The following WDPCP variants were observed in gnomAD, a reference collection of about 807,000 sequenced individuals.
The protein encoded by WDPCP is WD repeat containing planar cell polarity effector.
WDPCP carries 71 observed loss-of-function variants against 93.1 expected under a neutral mutation model. The ratio of observed to expected loss-of-function variants is 0.76; its 90% CI spans 0.63 to 0.93. The LOEUF (loss-of-function observed/expected upper bound fraction) is 0.93. Among genes scored for constraint, WDPCP ranks in the 40% least tolerant of loss-of-function variants. The pLI is 0.00. For missense variants in WDPCP, 844 were observed against 887.4 expected (o/e 0.95, Z 0.62); for synonymous variants, 315 against 315.0 (o/e 1.00, Z 0.00).
chr2:63,357,578 A>G (rs2104618155), intron 12 of WDPCP, among the ~76,000 whole-genome samples: 1 of 152,336 alleles, frequency 6.6e-6, no homozygotes, highest in African/African-American at 2.4e-5. Flanking sequence ...CACAGTCAGA[A>G]TGGCTATTAT....
chr2:63,462,577 C>T (rs1044132841), intron 6 of WDPCP, among the ~76,000 whole-genome samples: 26 of 151,814 alleles, frequency 1.7e-4, no homozygotes, highest in African/African-American at 4.4e-4. Flanking sequence ...GGGGCACACA[C>T]GGAATAGACA....
intron 15 of WDPCP, among the ~76,000 whole-genome samples, chr2:63,174,366 A>G (rs1210194846): frequency 1.3e-5 from 2 of 152,130 alleles, no homozygotes; most frequent in Non-Finnish European, 2.9e-5. Flanking sequence ...CTAAAAATTA[A>G]TATTTATTAA....
chr2:63,707,077 A>T (rs1241625718), intron 2 of WDPCP, among the ~76,000 whole-genome samples: 1 of 151,986 alleles, frequency 6.6e-6, no homozygotes, highest in Non-Finnish European at 1.5e-5. Context: ...CTTCATTTCA[A>T]CTTTGGTGAA....
In WDPCP at chr2:63,381,989, T is replaced by A; in HGVS notation, c.1541A>T (p.Asp514Val). 3.7e-6 allele frequency: 6 copies of A among 1,613,536 alleles called. No individual in the cohort carries two copies. Among genetic ancestry groups the A allele is most frequent in the Non-Finnish European group, 5.1e-6 (6 of 1,179,730 alleles). ...AINILSSMNW[D>V]TLGHQCFISM... is the part of the protein sequence containing the mutation. The stretch of plus-strand genomic sequence containing the variant: ...GATAAAGCACTGGTGGCCCAGAGTG[T>A]CCCAGTTCATGCTGCTCAGGATGTT... The change falls in exon 11 of 18, where the codon GAC becomes GTC. Residue 514 changes from aspartate (D) to valine (V), a missense_variant. Transcript: ENST00000272321.
rs561781747 is a variant in WDPCP at position 63,302,140 on chromosome 2, T to G, written c.1812+11108A>C. ...GCAAATAAAGGGAGACTTAGGTCAA[T>G]TTTCTAACGACTCTGATAGGTATAT... On this transcript the variant is annotated intron_variant, in intron 13 of 17. Transcript: ENST00000272321. 8.7e-4 allele frequency among the ~76,000 whole-genome samples: 133 copies of G among 152,314 alleles called. 1 individual carries two copies. Among genetic ancestry groups the G allele is most frequent in the African/African-American group, 3.0e-3 (126 of 41,554 alleles).
chr2:63,708,593 G>A (rs1034875769), intron 2 of WDPCP, among the ~76,000 whole-genome samples: 14 of 152,110 alleles, frequency 9.2e-5, no homozygotes, highest in Non-Finnish European at 1.6e-4. Flanking sequence ...GCGATGCCTC[G>A]CCCTGCTTTG....
chr2:63,399,664 ATGTG>A (rs945089016), intron 10 of WDPCP, among the ~76,000 whole-genome samples: 2 of 151,904 alleles, frequency 1.3e-5, no homozygotes, highest in Non-Finnish European at 2.9e-5. Context: ...GAGTGCATGC[ATGTG>A]TGTGTGTTTT....
At chr2:63,421,338 C>T (rs1270160365) in intron 9 of WDPCP, among the ~76,000 whole-genome samples, 1 of 151,956 alleles carries the variant, frequency 6.6e-6, no homozygotes, top group Non-Finnish European at 1.5e-5. Context: ...ATAAAATCCT[C>T]CAATCCACAG....
chr2:63,369,304 G>T (rs1047580914), intron 12 of WDPCP: 53 of 417,530 alleles, frequency 1.3e-4, no homozygotes, highest in African/African-American at 1.1e-3. Flanking sequence ...CCAAACTAAA[G>T]AGAGCCAAGC....
At chr2:63,381,400 A>G (rs1692295737) in intron 11 of WDPCP, among the ~76,000 whole-genome samples, 2 of 152,212 alleles carry the variant, frequency 1.3e-5, no homozygotes, top group Non-Finnish European at 2.9e-5. Flanking sequence ...TGTTACAACT[A>G]TAAGTCAGAA....
intron 13 of WDPCP, among the ~76,000 whole-genome samples, chr2:63,293,307 G>C (rs917164401): frequency 2.6e-5 from 4 of 152,174 alleles, no homozygotes; most frequent in African/African-American, 9.7e-5. Context: ...GACAAGGCCT[G>C]AGAAGACCTT....
At chr2:63,599,458 G>C in intron 3 of WDPCP, 1 of 601,824 alleles carries the variant, frequency 1.7e-6, no homozygotes, top group Non-Finnish European at 2.6e-6. Context: ...TTGTTAGGGA[G>C]TCTTTAAATG....
At chr2:63,214,464 G>T (rs1308091923) in intron 14 of WDPCP, among the ~76,000 whole-genome samples, 1 of 152,080 alleles carries the variant, frequency 6.6e-6, no homozygotes, top group African/African-American at 2.4e-5. Context: ...GTATTCATGG[G>T]ATGTATCTCA....
intron 2 of WDPCP, among the ~76,000 whole-genome samples, chr2:63,675,836 T>C (rs1342318377): frequency 6.6e-6 from 1 of 152,218 alleles, no homozygotes; most frequent in Non-Finnish European, 1.5e-5. Flanking sequence ...AAGTGTAATG[T>C]AGTGATGTGA....
intron 1 of WDPCP, among the ~76,000 whole-genome samples, chr2:63,515,261 G>A (rs1437240201): frequency 6.6e-6 from 1 of 152,136 alleles, no homozygotes; most frequent in Non-Finnish European, 1.5e-5. Flanking sequence ...CACAAGCACT[G>A]ATAACTATAC....
chr2:63,490,122 C>T (rs1436230846), intron 2 of WDPCP, among the ~76,000 whole-genome samples: 4 of 144,092 alleles, frequency 2.8e-5, no homozygotes, highest in Non-Finnish European at 6.1e-5. Flanking sequence ...AAAAAAAAGG[C>T]GGAGGATGAA....
At chr2:63,751,570 T>TA (rs1189428038) in intron 2 of WDPCP, 11 of 411,044 alleles carry the variant, frequency 2.7e-5, no homozygotes, top group African/African-American at 4.2e-5. Flanking sequence ...TCTTTTTTTT[T>TA]ATAGCAGCTA....
At chr2:63,158,084 A>G (rs1402604418) in intron 15 of WDPCP, among the ~76,000 whole-genome samples, 1 of 151,302 alleles carries the variant, frequency 6.6e-6, no homozygotes, top group Non-Finnish European at 1.5e-5. Flanking sequence ...TGACCTAGGG[A>G]TTATTTAGAA....
the WDPCP span, among the ~76,000 whole-genome samples, chr2:63,838,383 T>C: frequency 6.6e-6 from 1 of 152,244 alleles, no homozygotes; most frequent in Non-Finnish European, 1.5e-5. Flanking sequence ...CTGAGTTTCC[T>C]CAAGTTTCTA....
Sources: gnomAD v4.1 joint callset for allele counts (sites outside exome capture counted in the v4.1 genomes callset) on GRCh38, gnomAD v4.1.1 for gene constraint, MANE v1.5 for transcripts, NCBI Gene and HGNC (gene_info 2026-07-23, HGNC 2026-07-21) for gene names.